RAPGEF1: variants seen among roughly 807,000 people sequenced by gnomAD.
RAPGEF1 encodes Rap guanine nucleotide exchange factor 1.
In RAPGEF1, 33 loss-of-function variants were observed where a neutral mutation model predicts 143.3. The observed-to-expected ratio is 0.23, with a 90% CI of 0.17 to 0.31. The LOEUF is 0.31. Ranked by LOEUF, RAPGEF1 falls within the 10% of genes least tolerant of loss-of-function variation. RAPGEF1 has a pLI of 1.00. For synonymous variants in RAPGEF1, 629 were observed against 676.5 expected (o/e 0.93, Z 1.09); for missense variants, 1,199 against 1,645.4 (o/e 0.73, Z 4.69).
Position 131,643,375 on chromosome 9 carries a change from C to T in RAPGEF1, c.358G>A (p.Ala120Thr), listed in dbSNP as rs1968603771. 6.2e-7 allele frequency: 1 copy of T among 1,613,688 alleles called. No homozygotes were observed. The highest frequency in any genetic ancestry group is 1.3e-5 in the African/African-American group (1 of 74,912). ...LEEKEKEVVS[A>T]LRYFKTIVDK... ...ACAATGGTCTTAAAGTAGCGCAGGGCACTGACAACTTCCTTCTCTTTCTCC... is the reference window on the plus strand; with the variant it reads ...ACAATGGTCTTAAAGTAGCGCAGGGTACTGACAACTTCCTTCTCTTTCTCC... The change falls in exon 4 of 27, where the codon GCC becomes ACC. Residue 120 changes from alanine (A) to threonine (T), a missense_variant. Coordinates refer to ENST00000683357, the MANE Select transcript of RAPGEF1 (RefSeq NM_001377935.1).
intron 1 of RAPGEF1, among the ~76,000 whole-genome samples, chr9:131,680,950 C>T (rs117328602): frequency 6.6e-5 from 10 of 152,162 alleles, no homozygotes; most frequent in African/African-American, 9.6e-5. Flanking sequence ...CTGGAGAATG[C>T]GGAACTAGCT....
At chr9:131,709,832 T>C in intron 1 of RAPGEF1, 1 of 1,442,386 alleles carries the variant, frequency 6.9e-7, no homozygotes, top group Non-Finnish European at 9.1e-7. Context: ...AAGGGAAGCC[T>C]GAGGAATCTC....
chr9:131,697,992 TC>T (rs1462468314), intron 1 of RAPGEF1, among the ~76,000 whole-genome samples: 1 of 152,050 alleles, frequency 6.6e-6, no homozygotes, highest in Non-Finnish European at 1.5e-5. Context: ...TGTGTGACTA[TC>T]TGGACAGGAG....
intron 1 of RAPGEF1, among the ~76,000 whole-genome samples, chr9:131,734,140 TG>T (rs1456238898): frequency 6.6e-6 from 1 of 152,108 alleles, no homozygotes; most frequent in African/African-American, 2.4e-5. Context: ...TTGAGAAGCC[TG>T]AAGAATTAAG....
chr9:131,655,414 A>G lies in RAPGEF1; in HGVS notation c.62-4465T>C, dbSNP rs756802381. On this transcript the variant is annotated intron_variant, in intron 1 of 26. Coordinates refer to ENST00000683357, the MANE Select transcript of RAPGEF1 (RefSeq NM_001377935.1). This position sits in a 1 kb window ranked among gnomAD's most constrained non-coding sequence, Gnocchi z 4.1. Reference sequence around the variant, plus strand: ...GGAGGCTCTCAACACCAGCCCTCATATGTCAGCAGTCATCCCTCGCATTCA... The same window carrying G: ...GGAGGCTCTCAACACCAGCCCTCATGTGTCAGCAGTCATCCCTCGCATTCA... 6.6e-6 allele frequency among the ~76,000 whole-genome samples: 1 copy of G among 152,200 alleles called. No individual in the cohort carries two copies. The highest frequency in any genetic ancestry group is 2.4e-5 in the African/African-American group (1 of 41,456).
At chr9:131,729,828 C>G (rs555702965) in intron 1 of RAPGEF1, among the ~76,000 whole-genome samples, 1 of 152,312 alleles carries the variant, frequency 6.6e-6, no homozygotes, top group African/African-American at 2.4e-5. Flanking sequence ...GTTCCCGGCA[C>G]ACAGGAAATA....
intron 14 of RAPGEF1, 110 bp downstream of exon 14, chr9:131,603,851 G>A (rs1255077602): frequency 1.8e-6 from 1 of 563,404 alleles, no homozygotes; most frequent in Admixed American, 3.5e-5. Flanking sequence ...TGGTGACTAG[G>A]AGGGGGCTCA....
intron 1 of RAPGEF1, among the ~76,000 whole-genome samples, chr9:131,722,242 C>T (rs919211690): frequency 1.3e-5 from 2 of 152,198 alleles, no homozygotes; most frequent in East Asian, 1.9e-4. Flanking sequence ...TACCATGCCA[C>T]CTAACAGGGC....
chr9:131,661,997 G>T (rs1380213305), intron 1 of RAPGEF1, among the ~76,000 whole-genome samples: 1 of 152,154 alleles, frequency 6.6e-6, no homozygotes, highest in Admixed American at 6.5e-5. Context: ...AATTTTTTAT[G>T]TTTAACCAAG....
At chr9:131,632,833 T>G (rs1252127131) in intron 5 of RAPGEF1, among the ~76,000 whole-genome samples, 1 of 152,244 alleles carries the variant, frequency 6.6e-6, no homozygotes, top group Non-Finnish European at 1.5e-5. Flanking sequence ...TCTTGTTCTT[T>G]TTCTATTTTC....
chr9:131,653,198 T>C (rs150356057), intron 1 of RAPGEF1, among the ~76,000 whole-genome samples: 28 of 152,340 alleles, frequency 1.8e-4, no homozygotes, highest in African/African-American at 6.7e-4. Flanking sequence ...CAGTGGAATA[T>C]TTGTGTATGA....
chr9:131,705,749 G>T (rs539900604), intron 1 of RAPGEF1, among the ~76,000 whole-genome samples: 27 of 152,246 alleles, frequency 1.8e-4, no homozygotes, highest in African/African-American at 5.8e-4. Context: ...CCCTCATCGG[G>T]TATGTGTCCC....
rs1352554625 is a variant in RAPGEF1, at chr9:131,641,241, G to A, written c.494+1998C>T. On this transcript the variant is annotated intron_variant, in intron 4 of 26. Transcript: ENST00000683357. This position sits in a 1 kb window ranked among gnomAD's most constrained non-coding sequence, Gnocchi z 4.6. The stretch of plus-strand genomic sequence containing the variant: ...CTGGACTCTCCCAAAGAGGCTTAGC[G>A]CCTGAGGGTGCAGGGTGATCAGTCG... Among the ~76,000 whole-genome samples the A allele has an allele frequency of 2.0e-5, 3 of 152,102 alleles. No homozygotes were observed. The highest frequency in any genetic ancestry group is 2.9e-5 in the Non-Finnish European group (2 of 68,018).
At chr9:131,737,822 A>G (rs1837516477) in intron 1 of RAPGEF1, among the ~76,000 whole-genome samples, 1 of 152,090 alleles carries the variant, frequency 6.6e-6, no homozygotes, top group Non-Finnish European at 1.5e-5. Flanking sequence ...AAAATTTGCC[A>G]GGCGTGGTGG....
At chr9:131,656,536 T>G (rs1972519493) in intron 1 of RAPGEF1, among the ~76,000 whole-genome samples, 1 of 152,208 alleles carries the variant, frequency 6.6e-6, no homozygotes, top group South Asian at 2.1e-4. Flanking sequence ...TGGGGAAGTC[T>G]GGGCAGGATG....
intron 12 of RAPGEF1, among the ~76,000 whole-genome samples, chr9:131,606,903 G>C (rs11243450): frequency 6.6e-6 from 1 of 151,980 alleles, no homozygotes. Context: ...GGGATTACAG[G>C]GATCAGCCAC....
At chr9:131,735,799 C>T (rs777117861) in intron 1 of RAPGEF1, among the ~76,000 whole-genome samples, 2 of 152,180 alleles carry the variant, frequency 1.3e-5, no homozygotes, top group African/African-American at 4.8e-5. Context: ...CAGGAACAAG[C>T]GCTCAGAGTT....
At chr9:131,725,538 A>T (rs1564206422) in intron 1 of RAPGEF1, 1 of 152,162 alleles carries the variant, frequency 6.6e-6, no homozygotes, top group Non-Finnish European at 1.5e-5. Context: ...AGCTCACTGC[A>T]GTCTTGACCT....
intron 1 of RAPGEF1, among the ~76,000 whole-genome samples, chr9:131,687,803 A>G (rs1047545244): frequency 6.6e-6 from 1 of 152,160 alleles, no homozygotes; most frequent in Non-Finnish European, 1.5e-5. Flanking sequence ...CCCATGCCTT[A>G]AAAAAATCAA....
Sources: gnomAD v4.1 joint callset for allele counts (sites outside exome capture counted in the v4.1 genomes callset) on GRCh38, gnomAD v4.1.1 for gene constraint, Gnocchi (gnomAD v3.1) non-coding constraint, MANE v1.5 for transcripts, NCBI Gene and HGNC (gene_info 2026-07-23, HGNC 2026-07-21) for gene names.